The following TMEM135 variants were observed in gnomAD, a reference collection of about 807,000 sequenced individuals.
TMEM135 encodes the protein transmembrane protein 135, also known as peroxisomal membrane protein 52.
A neutral mutation model predicts 60.3 loss-of-function variants in TMEM135; 30 were observed. That is an observed-to-expected ratio of 0.50 (90% CI 0.37 to 0.68). The LOEUF is 0.68. Ranked by LOEUF, TMEM135 falls within the 30% of genes least tolerant of loss-of-function variation. The probability of loss-of-function intolerance (pLI) is 0.00; values close to 1 mark genes in which losing one functional copy is unlikely to be tolerated. For synonymous variants in TMEM135, 190 were observed against 186.7 expected (o/e 1.02, Z -0.14); for missense variants, 468 against 548.8 (o/e 0.85, Z 1.47).
chr11:87,234,810 T>G (rs1940959982), intron 5 of TMEM135, among the ~76,000 whole-genome samples: 1 of 152,050 alleles, frequency 6.6e-6, no homozygotes, highest in Non-Finnish European at 1.5e-5. Context: ...TTCAAGTGTA[T>G]TATTTGTAAA....
intron 5 of TMEM135, among the ~76,000 whole-genome samples, chr11:87,176,050 G>A (rs1457030278): frequency 6.6e-6 from 1 of 151,936 alleles, no homozygotes; most frequent in South Asian, 2.1e-4. Flanking sequence ...TGACTTTTTT[G>A]TTCTCAGTAG....
At chr11:87,305,515 T>G (rs2135443305) in intron 8 of TMEM135, among the ~76,000 whole-genome samples, 1 of 152,286 alleles carries the variant, frequency 6.6e-6, no homozygotes, top group African/African-American at 2.4e-5. Context: ...GGCTCACACC[T>G]GTAATCCCAG....
intron 3 of TMEM135, among the ~76,000 whole-genome samples, chr11:87,073,892 TC>T (rs1216380973): frequency 6.6e-6 from 1 of 152,030 alleles, no homozygotes; most frequent in African/African-American, 2.4e-5. Context: ...GGTCTCAAAC[TC>T]CCATCCTCAG....
rs577685687 is a variant in TMEM135 at position 87,067,699 on chromosome 11, A to G, written c.147A>G (p.Ala49=). The change falls in exon 2 of 15, where the codon GCA becomes GCG. Residue 49 remains alanine, a synonymous_variant. Transcript: ENST00000305494. ...AAAATCCTTTCTCTTTCCAGATTGC[A>G]GCAATTCTCCGGAAACGGAAATTAG... ...LKIYAPLYLI[A]AILRKRKLDY... is the part of the protein sequence containing the mutation. The G allele has an allele frequency of 6.2e-7, 1 of 1,613,746 alleles. No homozygotes were observed. The highest frequency in any genetic ancestry group is 1.3e-5 in the African/African-American group (1 of 75,030).
At chr11:87,257,976 G>A (rs760814683) in intron 6 of TMEM135, among the ~76,000 whole-genome samples, 5 of 152,104 alleles carry the variant, frequency 3.3e-5, no homozygotes, top group Non-Finnish European at 2.9e-5. Context: ...CCACAAGCAC[G>A]TACTTCCTAT....
chr11:87,311,707 A>G (rs1018255935), intron 10 of TMEM135, among the ~76,000 whole-genome samples: 2 of 152,046 alleles, frequency 1.3e-5, no homozygotes, highest in African/African-American at 4.8e-5. Context: ...GTGTTCAAAA[A>G]TTGTATGTGA....
chr11:87,106,485 A>G (rs1857600688), intron 4 of TMEM135, among the ~76,000 whole-genome samples: 1 of 152,128 alleles, frequency 6.6e-6, no homozygotes, highest in Admixed American at 6.5e-5. Flanking sequence ...GGATTTTGGC[A>G]TCTATGTTCA....
chr11:87,312,132 C>T, intron 10 of TMEM135, among the ~76,000 whole-genome samples: 1 of 148,828 alleles, frequency 6.7e-6, no homozygotes, highest in Non-Finnish European at 1.5e-5. Context: ...AACCTACTTT[C>T]ATGTTAGTTT....
intron 6 of TMEM135, among the ~76,000 whole-genome samples, chr11:87,288,123 A>G (rs1232586309): frequency 6.6e-6 from 1 of 152,160 alleles, no homozygotes; most frequent in Non-Finnish European, 1.5e-5. Context: ...TTTTATACGT[A>G]TCCTATTAGA....
At chr11:87,259,265 T>G in intron 6 of TMEM135, 1 of 408,948 alleles carries the variant, frequency 2.4e-6, no homozygotes, top group African/African-American at 2.0e-5. Context: ...CGGCCATGGC[T>G]GTAGGGGACA....
At chr11:87,090,165 G>C (rs1857176815) in intron 3 of TMEM135, among the ~76,000 whole-genome samples, 1 of 152,052 alleles carries the variant, frequency 6.6e-6, no homozygotes, top group Admixed American at 6.6e-5. Context: ...CTTTTAACCA[G>C]AGTAGGTCCA....
intron 5 of TMEM135, among the ~76,000 whole-genome samples, chr11:87,194,092 GT>G (rs1408015894): frequency 6.6e-6 from 1 of 152,068 alleles, no homozygotes; most frequent in Admixed American, 6.5e-5. Context: ...GTTTGTTCCT[GT>G]GTGAATTTTA....
At chr11:87,088,318 A>C (rs1334050354) in intron 3 of TMEM135, among the ~76,000 whole-genome samples, 1 of 152,174 alleles carries the variant, frequency 6.6e-6, no homozygotes, top group Non-Finnish European at 1.5e-5. Context: ...TGGTAAAACA[A>C]CCAGTCTCTC....
At position 87,122,437 on chromosome 11, in the gene TMEM135, A is replaced by ATTTTTTTTTATTTATTTATTTATTTATT. The variant is rs765586434; in HGVS notation, c.396+31043_396+31044insTTTTTTTTATTTATTTATTTATTTATTT. Among the ~76,000 whole-genome samples the ATTTTTTTTTATTTATTTATTTATTTATT allele has an allele frequency of 4.8e-5, 7 of 144,946 alleles. No homozygotes were observed. The East Asian group carries it at 1.0e-3, about 21-fold the overall frequency. On this transcript the variant is annotated intron_variant, in intron 4 of 14. Coordinates refer to ENST00000305494, the MANE Select transcript of TMEM135 (RefSeq NM_022918.4). ...TTTGTTCATTTATCATTTAGTTTTTATATTTATTTATTTATTTATTTATTT... is the reference window on the plus strand; with the variant it reads ...TTTGTTCATTTATCATTTAGTTTTTATTTTTTTTTATTTATTTATTTATTTATTTATTTATTTATTTATTTATTTATTT...
chr11:87,217,938 T>C (rs988169903), intron 5 of TMEM135, among the ~76,000 whole-genome samples: 2 of 152,204 alleles, frequency 1.3e-5, no homozygotes, highest in Non-Finnish European at 2.9e-5. Context: ...ATGGATTAGA[T>C]AGTTCTCAGG....
At chr11:87,259,789 G>GTC (rs1456000966) in intron 6 of TMEM135, among the ~76,000 whole-genome samples, 1 of 152,192 alleles carries the variant, frequency 6.6e-6, no homozygotes, top group East Asian at 1.9e-4. Context: ...AATAGAAATG[G>GTC]GAGAAGCTTT....
intron 6 of TMEM135, among the ~76,000 whole-genome samples, chr11:87,247,712 C>T (rs1157592285): frequency 1.3e-5 from 2 of 152,136 alleles, no homozygotes; most frequent in Admixed American, 6.6e-5. Flanking sequence ...GTCGGAAAAG[C>T]GCAGTATTAG....
At chr11:87,198,068 T>A (rs796816825) in intron 5 of TMEM135, among the ~76,000 whole-genome samples, 24 of 152,290 alleles carry the variant, frequency 1.6e-4, no homozygotes, top group African/African-American at 5.8e-4. Context: ...TTATCATTTT[T>A]ATGTGTTGGT....
At chr11:87,108,970 A>G (rs1304877030) in intron 4 of TMEM135, among the ~76,000 whole-genome samples, 1 of 152,168 alleles carries the variant, frequency 6.6e-6, no homozygotes, top group South Asian at 2.1e-4. Flanking sequence ...CAAAATCATT[A>G]TGAGTGAAAG....
Sources: gnomAD v4.1 joint callset for allele counts (sites outside exome capture counted in the v4.1 genomes callset) on GRCh38, gnomAD v4.1.1 for gene constraint, MANE v1.5 for transcripts, NCBI Gene and HGNC (gene_info 2026-07-23, HGNC 2026-07-21) for gene names.